The following RCAN3 variants were observed in gnomAD, a reference collection of about 807,000 sequenced individuals.
RCAN3 encodes calcipressin-3.
Under a neutral mutation model 21.9 loss-of-function variants are expected in RCAN3, and 19 were observed. The observed-to-expected ratio is 0.87, with a 90% CI of 0.61 to 1.27. The LOEUF (loss-of-function observed/expected upper bound fraction) is 1.27. RCAN3 is among the 50% of genes most tolerant of loss of function. RCAN3 has a pLI of 0.00. For synonymous variants in RCAN3, 114 were observed against 112.3 expected (o/e 1.01, Z -0.09); for missense variants, 240 against 300.1 (o/e 0.80, Z 1.48).
intron 1 of RCAN3, among the ~76,000 whole-genome samples, chr1:24,511,245 G>C (rs1047604580): frequency 1.7e-4 from 26 of 152,096 alleles, no homozygotes; most frequent in African/African-American, 5.6e-4. Context: ...CCCGGGAGGC[G>C]GAGGCTGCAG....
In RCAN3 at chr1:24,533,221, G is replaced by A. The variant is rs578111021; in HGVS notation, c.508G>A (p.Asp170Asn). ...AGATGCGATGCCTGTTATAAATTAT[G>A]ATTTACTCTGTGCTGTTTCCAAATT... Reference protein sequence around the residue: ...SEDAMPVINYDLLCAVSKLGP... With the variant: ...SEDAMPVINYNLLCAVSKLGP... Residue 170 changes from aspartate to asparagine, a missense_variant, in exon 4 of 5, where the codon GAT becomes AAT. Transcript: ENST00000374395. 9 of 1,594,738 alleles carry A rather than the reference G, an allele frequency of 5.6e-6. No homozygotes were observed. The East Asian group carries it at 1.6e-4, about 28-fold the overall frequency.
In RCAN3 at chr1:24,535,320, G is replaced by A; in HGVS notation, c.*43G>A. 6.7e-7 allele frequency: 1 copy of A among 1,495,802 alleles called. No homozygotes were observed. The highest frequency in any genetic ancestry group is 8.9e-7 in the Non-Finnish European group (1 of 1,129,850). The allele number at this position is 1,495,802 out of a possible 1,614,324, so 92.7% of individuals were successfully genotyped here. ...CGAGGCGGCTGCCCTGGTGGGCTCT[G>A]GCCATGGCGCTCTGTGCCTGCGGCC... On this transcript the variant is annotated 3_prime_UTR_variant, in exon 5 of 5. Coordinates refer to ENST00000374395, the MANE Select transcript of RCAN3 (RefSeq NM_013441.4).
At chr1:24,531,503 A>G (rs1051336143) in intron 3 of RCAN3, 112 bp downstream of exon 3, 3 of 636,450 alleles carry the variant, frequency 4.7e-6, no homozygotes, top group Non-Finnish European at 7.1e-6. Context: ...AGAGTGAACC[A>G]TCTCAATCAG....
intron 1 of RCAN3, among the ~76,000 whole-genome samples, chr1:24,503,664 G>C (rs1647245648): frequency 6.6e-6 from 1 of 152,216 alleles, no homozygotes; most frequent in Non-Finnish European, 1.5e-5. Flanking sequence ...ATCTGTTCCA[G>C]GTTGATTCTT....
intron 1 of RCAN3, among the ~76,000 whole-genome samples, chr1:24,512,767 C>T (rs779302489): frequency 1.3e-5 from 2 of 152,102 alleles, no homozygotes; most frequent in African/African-American, 2.4e-5. Flanking sequence ...ATTCTGCCTC[C>T]GCATCTTGAA....
At chr1:24,516,527 A>G (rs1477356996) in intron 2 of RCAN3, among the ~76,000 whole-genome samples, 1 of 152,194 alleles carries the variant, frequency 6.6e-6, no homozygotes, top group Non-Finnish European at 1.5e-5. Flanking sequence ...GTAGCAAGCC[A>G]TTCTGTGTGC....
Position 24,540,063 on chromosome 1 carries a change from G to T in RCAN3, c.*4786G>T, listed in dbSNP as rs1454798562. ...CTTATTTGTCTTTTAAACTCCCCTCGGTGTATGGATCATCTTCGTCAGAAT... is the reference window on the plus strand; with the variant it reads ...CTTATTTGTCTTTTAAACTCCCCTCTGTGTATGGATCATCTTCGTCAGAAT... On this transcript the variant is annotated 3_prime_UTR_variant, in exon 5 of 5. Transcript: ENST00000374395. 6.6e-6 allele frequency: 1 copy of T among 152,106 alleles called. No homozygotes were observed. The highest frequency in any genetic ancestry group is 1.5e-5 in the Non-Finnish European group (1 of 68,030). The allele number at this position is 152,106 out of a possible 1,614,324, so 9.4% of individuals were successfully genotyped here.
rs543648950 is a variant in RCAN3, at chr1:24,515,459, T to C, written c.195+892T>C. 2.4e-4 allele frequency among the ~76,000 whole-genome samples: 32 copies of C among 133,490 alleles called. No homozygotes were observed. The South Asian group carries it at 7.1e-3, about 30-fold the overall frequency. 87.6% of individuals were successfully genotyped at this position (133,490 alleles called of 152,430 possible). A position where few individuals can be genotyped will look rare whatever the true frequency, so the allele number is the denominator to read the frequency against. On this transcript the variant is annotated intron_variant, in intron 2 of 4. Transcript: ENST00000374395. ...GTGTGTGTGTGTGTGTGTGTGTGTG[T>C]GTGTGCTTTGTTTTGTTTTTCCCCG... is the stretch of plus-strand genomic sequence containing the variant.
chr1:24,532,829 G>A (rs979985746), intron 3 of RCAN3, among the ~76,000 whole-genome samples: 2 of 150,342 alleles, frequency 1.3e-5, no homozygotes, highest in Admixed American at 1.3e-4. Flanking sequence ...ACATGCACCT[G>A]TAGTCCCAGC....
At position 24,525,942 on chromosome 1, in the gene RCAN3, T is replaced by A. The variant is rs638834; in HGVS notation, c.196-5276T>A. ...GTTTTGCCTCCAAGTTAATTCTTCA[T>A]GCTTCCAAAGCACCTCACAGCTAGA... On this transcript the variant is annotated intron_variant, in intron 2 of 4. Transcript: ENST00000374395. The surrounding 1 kb of genome is among the most constrained non-coding windows in gnomAD (Gnocchi z 4.1). 0.46 allele frequency among the ~76,000 whole-genome samples: 69,794 copies of A among 151,534 alleles called. 16,351 individuals carry two copies. Among genetic ancestry groups the A allele is most frequent in the East Asian group, 0.72 (3,706 of 5,118 alleles).
chr1:24,507,431 A>G (rs969302254), intron 1 of RCAN3: 1 of 152,240 alleles, frequency 6.6e-6, no homozygotes, highest in Non-Finnish European at 1.5e-5. Flanking sequence ...TGGGGTAACT[A>G]AAATACTACC....
intron 1 of RCAN3, among the ~76,000 whole-genome samples, chr1:24,503,787 C>T (rs1303598485): frequency 6.6e-6 from 1 of 152,206 alleles, no homozygotes; most frequent in Non-Finnish European, 1.5e-5. Context: ...GTGATGTTTT[C>T]CTGTAGTGCT....
At chr1:24,530,355 C>CAAAAAA (rs1649652237) in intron 2 of RCAN3, among the ~76,000 whole-genome samples, 1 of 47,960 alleles carries the variant, frequency 2.1e-5, no homozygotes, top group Non-Finnish European at 3.4e-5. Flanking sequence ...ACTCTTATCT[C>CAAAAAA]CAAAAAAAAA....
rs868831763 is a variant in RCAN3 at position 24,537,696 on chromosome 1, C to A, written c.*2419C>A. On this transcript the variant is annotated 3_prime_UTR_variant, in exon 5 of 5. Coordinates refer to ENST00000374395, the MANE Select transcript of RCAN3 (RefSeq NM_013441.4). The stretch of plus-strand genomic sequence containing the variant: ...GTGGATCCACCTGAGGTCAGGAGTT[C>A]AAGACCAGCCTGACCAACATGGTGA... 1 of 152,136 alleles carries A rather than the reference C, an allele frequency of 6.6e-6. No individual in the cohort carries two copies. The allele number at this position is 152,136 out of a possible 1,614,324, so 9.4% of individuals were successfully genotyped here. A position where few individuals can be genotyped will look rare whatever the true frequency, so the allele number is the denominator to read the frequency against.
In RCAN3 at chr1:24,525,764, C is replaced by G. The variant is rs934592331; in HGVS notation, c.196-5454C>G. 2.0e-5 allele frequency among the ~76,000 whole-genome samples: 3 copies of G among 152,172 alleles called. No individual in the cohort carries two copies. Among genetic ancestry groups the G allele is most frequent in the Admixed American group, 6.5e-5 (1 of 15,278 alleles). On this transcript the variant is annotated intron_variant, in intron 2 of 4. Coordinates refer to ENST00000374395, the MANE Select transcript of RCAN3 (RefSeq NM_013441.4). This position sits in a 1 kb window ranked among gnomAD's most constrained non-coding sequence, Gnocchi z 4.1. ...CATTTTCATAGATTATGTCCTTCCCCTGCCGTCTGCAATCTTCTAAATCCC... is the reference window on the plus strand; with the variant it reads ...CATTTTCATAGATTATGTCCTTCCCGTGCCGTCTGCAATCTTCTAAATCCC...
intron 3 of RCAN3, among the ~76,000 whole-genome samples, chr1:24,532,394 T>G (rs1213537382): frequency 6.6e-6 from 1 of 151,800 alleles, no homozygotes; most frequent in African/African-American, 2.4e-5. Flanking sequence ...ACCTAGCTAA[T>G]TTTTGTATTT....
At chr1:24,534,478 G>A (rs1421445339) in intron 4 of RCAN3, among the ~76,000 whole-genome samples, 3 of 152,092 alleles carry the variant, frequency 2.0e-5, no homozygotes, top group Non-Finnish European at 2.9e-5. Context: ...GTGATAGCGG[G>A]CGCCTGTAGT....
At chr1:24,511,765 T>G (rs904364991) in intron 1 of RCAN3, among the ~76,000 whole-genome samples, 1 of 152,174 alleles carries the variant, frequency 6.6e-6, no homozygotes, top group Non-Finnish European at 1.5e-5. Context: ...AGTGCAGGGT[T>G]GTGACAAGCC....
chr1:24,534,112 G>A (rs76058913), intron 4 of RCAN3, among the ~76,000 whole-genome samples: 2,231 of 152,250 alleles, frequency 0.015, 14 homozygotes, highest in Non-Finnish European at 0.022. Context: ...ATGTGATGCT[G>A]GTTCAGACAG....
Sources: gnomAD v4.1 joint callset for allele counts (sites outside exome capture counted in the v4.1 genomes callset) on GRCh38, gnomAD v4.1.1 for gene constraint, Gnocchi (gnomAD v3.1) non-coding constraint, MANE v1.5 for transcripts, NCBI Gene and HGNC (gene_info 2026-07-23, HGNC 2026-07-21) for gene names.